The following OR51B5 variants were observed in gnomAD, a reference collection of about 807,000 sequenced individuals.
The protein encoded by OR51B5 is olfactory receptor 51B5.
For synonymous variants in OR51B5, 186 were observed against 144.8 expected (o/e 1.28, Z -2.04); for missense variants, 456 against 374.6 (o/e 1.22, Z -1.79).
chr11:5,436,035 A>G (rs1850587983), intron 1 of OR51B5, among the ~76,000 whole-genome samples: 1 of 152,192 alleles, frequency 6.6e-6, no homozygotes, highest in African/African-American at 2.4e-5. Flanking sequence ...AGATGAATAT[A>G]CTACTTAGGC....
At chr11:5,407,295 G>A (rs145329984) in intron 1 of OR51B5, among the ~76,000 whole-genome samples, 146 of 152,248 alleles carry the variant, frequency 9.6e-4, no homozygotes, top group Admixed American at 2.2e-3. Flanking sequence ...GTGTGGTGAT[G>A]AGTGAATCTC....
chr11:5,389,940 G>T lies in OR51B5; in HGVS notation n.85-43030C>A, dbSNP rs199834341. The T allele has an allele frequency of 7.8e-5, 125 of 1,611,196 alleles. No homozygotes were observed. The African/African-American group carries it at 1.5e-3, about 19-fold the overall frequency. On this transcript the variant is annotated intron_variant and non_coding_transcript_variant, in intron 1 of 4. Transcript: ENST00000415970. ...CTCCTCCTGAAGGCTTTTCCCTACT[G>T]TGGATCTGTGGTCCTCTCCCACTCA...
intron 1 of OR51B5, among the ~76,000 whole-genome samples, chr11:5,366,546 T>G (rs913963882): frequency 1.3e-5 from 2 of 151,320 alleles, no homozygotes; most frequent in South Asian, 2.1e-4. Flanking sequence ...GAGGCGGAGG[T>G]TGCAGTGAGC....
At chr11:5,407,700 C>T (rs986377643) in intron 1 of OR51B5, among the ~76,000 whole-genome samples, 23 of 150,092 alleles carry the variant, frequency 1.5e-4, no homozygotes, top group African/African-American at 5.2e-4. Flanking sequence ...ATTATTTCCC[C>T]TGTTTATTCT....
intron 1 of OR51B5, chr11:5,454,329 C>T (rs1290133332): frequency 7.4e-6 from 12 of 1,614,146 alleles, no homozygotes; most frequent in Non-Finnish European, 1.0e-5. Flanking sequence ...AAATGTGTAC[C>T]TATTTGTGCC....
intron 1 of OR51B5, among the ~76,000 whole-genome samples, chr11:5,449,579 C>T (rs1850814403): frequency 6.6e-6 from 1 of 152,188 alleles, no homozygotes; most frequent in South Asian, 2.1e-4. Flanking sequence ...GATTGTATAA[C>T]CCCAAGCGAT....
In OR51B5 at chr11:5,376,314, T is replaced by A. The variant is rs1849527311; in HGVS notation, n.85-29404A>T. Among the ~76,000 whole-genome samples the A allele has an allele frequency of 2.0e-5, 3 of 151,990 alleles. No individual in the cohort carries two copies. In the South Asian group the frequency reaches 6.3e-4, roughly 32 times the overall value. On this transcript the variant is annotated intron_variant and non_coding_transcript_variant, in intron 1 of 4. Coordinates refer to the OR51B5 transcript ENST00000415970. ...AATCTCTGGGACACATTCGAATCAG[T>A]GTGTAGGGGGAAATTTATAGCACTA...
intron 1 of OR51B5, among the ~76,000 whole-genome samples, chr11:5,366,952 C>T (rs962908084): frequency 1.3e-5 from 2 of 152,130 alleles, no homozygotes; most frequent in South Asian, 4.1e-4. Flanking sequence ...ATCTCTTGAG[C>T]ACATGCCTAA....
At chr11:5,488,936 G>C in intron 1 of OR51B5, 6 of 1,614,048 alleles carry the variant, frequency 3.7e-6, no homozygotes, top group East Asian at 2.2e-5. Context: ...CTGGCTCTCA[G>C]TTCTACCACT....
Position 5,464,193 on chromosome 11 carries a change from T to G in OR51B5, n.84+41376A>C, listed in dbSNP as rs201448484. ...GAGTAGAACTTAATCATTTGCCAAGTGGGTTTTTCTATATTTGAAAAAGCA... is the reference window on the plus strand; with the variant it reads ...GAGTAGAACTTAATCATTTGCCAAGGGGGTTTTTCTATATTTGAAAAAGCA... On this transcript the variant is annotated intron_variant and non_coding_transcript_variant, in intron 1 of 4. Transcript: ENST00000415970. Among the ~76,000 whole-genome samples, 53 of 152,354 alleles carry G rather than the reference T, an allele frequency of 3.5e-4. 2 individuals are homozygous for G. The East Asian group carries it at 8.5e-3, about 24-fold the overall frequency.
At chr11:5,486,925 A>G (rs999696992) in intron 1 of OR51B5, among the ~76,000 whole-genome samples, 1 of 152,204 alleles carries the variant, frequency 6.6e-6, no homozygotes, top group Non-Finnish European at 1.5e-5. Context: ...AAAAATCTCA[A>G]TGCAAATAAA....
intron 1 of OR51B5, chr11:5,402,694 C>T: frequency 2.1e-6 from 1 of 471,258 alleles, no homozygotes; most frequent in Non-Finnish European, 4.4e-6. Context: ...ATATCCGTCC[C>T]CTTCTCCCTG....
chr11:5,485,216 T>A (rs1851481964), intron 1 of OR51B5, among the ~76,000 whole-genome samples: 1 of 152,122 alleles, frequency 6.6e-6, no homozygotes, highest in South Asian at 2.1e-4. Flanking sequence ...AGTACACAAA[T>A]CCTGCAAAAT....
chr11:5,376,905 T>C (rs753677478), intron 1 of OR51B5, among the ~76,000 whole-genome samples: 13 of 149,740 alleles, frequency 8.7e-5, no homozygotes, highest in Non-Finnish European at 1.5e-4. Context: ...GTACCATTCC[T>C]TCTGAAACTA....
Position 5,342,773 on chromosome 11 carries a change from AC to A in OR51B5, c.751del (p.Val251SerfsTer3). ...AATCAGAGACAATCCAATCACTGTG[AC>A]ATAAAAAACCAGGACACAGCAGATA... On this transcript the variant is annotated frameshift_variant, in exon 1 of 1. Transcript: ENST00000300773. LOFTEE classifies it low-confidence loss of function (END_TRUNC). 1 of 1,613,754 alleles carries A rather than the reference AC, an allele frequency of 6.2e-7. No homozygotes were observed. Among genetic ancestry groups the A allele is most frequent in the African/African-American group, 1.3e-5 (1 of 75,048 alleles).
At chr11:5,431,366 T>C in intron 1 of OR51B5, 1 of 269,100 alleles carries the variant, frequency 3.7e-6, no homozygotes, top group South Asian at 4.5e-5. Context: ...ACAGTAGCAG[T>C]GTAGACACAG....
intron 1 of OR51B5, among the ~76,000 whole-genome samples, chr11:5,373,077 C>A (rs1383513267): frequency 2.6e-5 from 4 of 152,146 alleles, no homozygotes; most frequent in Admixed American, 2.6e-4. Context: ...GAAGGATAGT[C>A]TCCTCAACAA....
chr11:5,357,768 G>C (rs1849217964), intron 1 of OR51B5, among the ~76,000 whole-genome samples: 1 of 150,542 alleles, frequency 6.6e-6, no homozygotes, highest in African/African-American at 2.4e-5. Context: ...AAATGTAAAA[G>C]AACAGAAATT....
chr11:5,417,507 A>C (rs565863776), intron 1 of OR51B5, among the ~76,000 whole-genome samples: 1 of 151,062 alleles, frequency 6.6e-6, no homozygotes, highest in South Asian at 2.1e-4. Context: ...AAAATGGGAG[A>C]AAATTTTCAC....
Sources: gnomAD v4.1 joint callset for allele counts (sites outside exome capture counted in the v4.1 genomes callset) on GRCh38, gnomAD v4.1.1 for gene constraint, MANE v1.5 for transcripts, NCBI Gene and HGNC (gene_info 2026-07-23, HGNC 2026-07-21) for gene names.